TMC1: variants seen among roughly 807,000 people sequenced by gnomAD.
The protein encoded by TMC1 is transmembrane channel like 1.
In TMC1, 84 loss-of-function variants were observed where a neutral mutation model predicts 105.8. The ratio of observed to expected loss-of-function variants is 0.79; its 90% confidence interval spans 0.67 to 0.95. TMC1 has a LOEUF of 0.95. Ranked by LOEUF, TMC1 falls within the 40% of genes least tolerant of loss-of-function variation. The pLI is 0.00. For missense variants in TMC1, 817 were observed against 914.1 expected (o/e 0.89, Z 1.37); for synonymous variants, 315 against 311.5 (o/e 1.01, Z -0.12).
At chr9:72,700,283 C>T (rs2117866155) in intron 7 of TMC1, among the ~76,000 whole-genome samples, 1 of 150,332 alleles carries the variant, frequency 6.7e-6, no homozygotes, top group Admixed American at 6.6e-5. Context: ...AAGAAAAAAA[C>T]AGAATGGCTT....
chr9:72,530,293 C>T (rs1823477325), intron 1 of TMC1, among the ~76,000 whole-genome samples: 1 of 152,192 alleles, frequency 6.6e-6, no homozygotes, highest in Non-Finnish European at 1.5e-5. Flanking sequence ...TATGTCTCAG[C>T]TTCCTGAGTA....
chr9:72,680,185 A>G (rs537126339), intron 5 of TMC1, among the ~76,000 whole-genome samples: 16 of 152,172 alleles, frequency 1.1e-4, no homozygotes, highest in African/African-American at 3.1e-4. Context: ...AACATTGTCA[A>G]TCCTTAACTG....
At chr9:72,733,937 C>T (rs1039872906) in intron 8 of TMC1, among the ~76,000 whole-genome samples, 25 of 152,054 alleles carry the variant, frequency 1.6e-4, no homozygotes, top group Admixed American at 1.6e-3. Flanking sequence ...TCCAAATTGC[C>T]AGCATCACTA....
intron 10 of TMC1, among the ~76,000 whole-genome samples, chr9:72,748,935 A>G (rs117407793): frequency 9.3e-4 from 142 of 152,274 alleles, no homozygotes; most frequent in Non-Finnish European, 1.9e-3. Flanking sequence ...AATGAAATCT[A>G]TTGGCCTGCA....
chr9:72,662,695 A>T (rs1272081249), intron 5 of TMC1, among the ~76,000 whole-genome samples: 2 of 152,190 alleles, frequency 1.3e-5, no homozygotes, highest in African/African-American at 4.8e-5. Context: ...CAGCAGATTC[A>T]AACTTTTGTT....
chr9:72,641,794 TA>T (rs1411362137), intron 4 of TMC1, among the ~76,000 whole-genome samples: 1 of 149,272 alleles, frequency 6.7e-6, no homozygotes, highest in Non-Finnish European at 1.5e-5. Flanking sequence ...AATATGCTTA[TA>T]AGGTAGTCCC....
At chr9:72,694,232 A>G (rs1826513037) in intron 6 of TMC1, among the ~76,000 whole-genome samples, 1 of 152,188 alleles carries the variant, frequency 6.6e-6, no homozygotes, top group African/African-American at 2.4e-5. Flanking sequence ...TCATGGTATG[A>G]TATTAACCAC....
intron 1 of TMC1, among the ~76,000 whole-genome samples, chr9:72,576,104 C>T (rs1195389623): frequency 6.6e-6 from 1 of 152,134 alleles, no homozygotes; most frequent in Non-Finnish European, 1.5e-5. Context: ...ATGGCATACT[C>T]GTGGTGGAAT....
chr9:72,588,520 C>T (rs1202816099), intron 2 of TMC1, among the ~76,000 whole-genome samples: 1 of 152,188 alleles, frequency 6.6e-6, no homozygotes, highest in South Asian at 2.1e-4. Context: ...CTCCCAGCCT[C>T]TACATGTGGC....
intron 5 of TMC1, among the ~76,000 whole-genome samples, chr9:72,658,451 C>T (rs988001853): frequency 2.0e-5 from 3 of 152,032 alleles, no homozygotes; most frequent in South Asian, 2.1e-4. Context: ...CCCTGACATA[C>T]GGGTAGAGTT....
At chr9:72,816,596 CACT>C (rs1292023663) in intron 19 of TMC1, among the ~76,000 whole-genome samples, 1 of 151,962 alleles carries the variant, frequency 6.6e-6, no homozygotes, top group Non-Finnish European at 1.5e-5. Context: ...ATTTTGTTGT[CACT>C]ACTAAATATA....
At chr9:72,527,278 G>T (rs755224086) in intron 1 of TMC1, among the ~76,000 whole-genome samples, 6 of 152,024 alleles carry the variant, frequency 3.9e-5, no homozygotes, top group Non-Finnish European at 8.8e-5. Context: ...GTGTTCACAG[G>T]CATGTGTAAG....
intron 8 of TMC1, among the ~76,000 whole-genome samples, chr9:72,739,178 G>A (rs1170488323): frequency 1.3e-5 from 2 of 152,178 alleles, no homozygotes; most frequent in Non-Finnish European, 2.9e-5. Context: ...CTCCCAGGTT[G>A]CAGATGGCTG....
chr9:72,668,331 C>T (rs1263333563), intron 5 of TMC1, among the ~76,000 whole-genome samples: 6 of 152,196 alleles, frequency 3.9e-5, no homozygotes, highest in Admixed American at 1.3e-4. Flanking sequence ...AGGTTTTGAA[C>T]GCAGGTCTGT....
chr9:72,662,906 AG>A (rs1366298187), intron 5 of TMC1, among the ~76,000 whole-genome samples: 1 of 152,224 alleles, frequency 6.6e-6, no homozygotes, highest in East Asian at 1.9e-4. Context: ...TAATAAATAC[AG>A]TCATGTGTTG....
At chr9:72,759,281 A>G (rs1368994865) in intron 12 of TMC1, among the ~76,000 whole-genome samples, 3 of 152,090 alleles carry the variant, frequency 2.0e-5, no homozygotes, top group Admixed American at 6.5e-5. Context: ...GAGAGAGCAA[A>G]TCCCTTCTCC....
At chr9:72,635,225 C>T (rs1223579723) in intron 4 of TMC1, among the ~76,000 whole-genome samples, 1 of 151,456 alleles carries the variant, frequency 6.6e-6, no homozygotes, top group Non-Finnish European at 1.5e-5. Context: ...TGTACTCTGG[C>T]CTAGGTGACA....
intron 8 of TMC1, among the ~76,000 whole-genome samples, chr9:72,703,109 A>T (rs1165238771): frequency 6.6e-6 from 1 of 151,936 alleles, no homozygotes; most frequent in Non-Finnish European, 1.5e-5. Flanking sequence ...ATTTTTTTCA[A>T]TATTTTTAAA....
chr9:72,671,786 A>AATC (rs1342331787), intron 5 of TMC1, among the ~76,000 whole-genome samples: 1 of 152,198 alleles, frequency 6.6e-6, no homozygotes, highest in Non-Finnish European at 1.5e-5. Context: ...AAAGAAAAAA[A>AATC]ATCAAAGCAT....
Sources: gnomAD v4.1 joint callset for allele counts (sites outside exome capture counted in the v4.1 genomes callset) on GRCh38, gnomAD v4.1.1 for gene constraint, MANE v1.5 for transcripts, NCBI Gene and HGNC (gene_info 2026-07-23, HGNC 2026-07-21) for gene names.